MAGI2: variants seen among roughly 807,000 people sequenced by gnomAD.
MAGI2 encodes membrane associated guanylate kinase, WW and PDZ domain containing 2.
MAGI2 carries 35 observed loss-of-function variants against 133.3 expected under a neutral mutation model. The observed-to-expected ratio is 0.26, with a 90% CI of 0.20 to 0.35. MAGI2 has a LOEUF of 0.35. Ranked by LOEUF, MAGI2 falls within the 10% of genes least tolerant of loss-of-function variation. The pLI is 1.00. For missense variants in MAGI2, 1,636 were observed against 1,863.4 expected, an observed-to-expected ratio of 0.88 and a Z score of 2.25; for synonymous variants, 729 against 710.6, an observed-to-expected ratio of 1.03 and a Z score of -0.41.
intron 1 of MAGI2, among the ~76,000 whole-genome samples, chr7:79,093,902 A>G (rs988208456): frequency 6.6e-6 from 1 of 151,614 alleles, no homozygotes; most frequent in Non-Finnish European, 1.5e-5. Context: ...TTTAGTAGAG[A>G]CGAGGTTTCA....
Position 78,476,810 on chromosome 7 carries a change from G to A in MAGI2, c.1045+12951C>T, listed in dbSNP as rs371337214. ...CAATCGATATTATTCCAGACACTTT[G>A]AGAAGCTTGGTGGTTAGGTCACAAT... On this transcript the variant is annotated intron_variant, in intron 6 of 21. Transcript: ENST00000354212. Among the ~76,000 whole-genome samples, 3 of 151,870 alleles carry A rather than the reference G, an allele frequency of 2.0e-5. No homozygotes were observed. The East Asian group carries it at 5.9e-4, about 30-fold the overall frequency.
intron 2 of MAGI2, among the ~76,000 whole-genome samples, chr7:78,800,868 T>G (rs1040456392): frequency 7.2e-5 from 11 of 152,062 alleles, no homozygotes; most frequent in Admixed American, 6.6e-5. Flanking sequence ...AGTGAAACAA[T>G]AGAGGAAATT....
chr7:78,212,298 A>C (rs1473027955), intron 10 of MAGI2, among the ~76,000 whole-genome samples: 1 of 152,244 alleles, frequency 6.6e-6, no homozygotes, highest in Non-Finnish European at 1.5e-5. Flanking sequence ...GATAATTTGC[A>C]GATGTGATTA....
chr7:79,023,592 T>A (rs908146855), intron 1 of MAGI2, among the ~76,000 whole-genome samples: 1 of 152,130 alleles, frequency 6.6e-6, no homozygotes, highest in Non-Finnish European at 1.5e-5. Context: ...AACCTCATAG[T>A]GTGTGCTCAA....
chr7:79,309,158 A>G (rs1838051841), intron 1 of MAGI2, among the ~76,000 whole-genome samples: 3 of 151,886 alleles, frequency 2.0e-5, no homozygotes, highest in Admixed American at 2.0e-4. Context: ...TATGCTGTCT[A>G]GCTTAATTCA....
At chr7:78,543,416 C>T (rs1798570025) in intron 3 of MAGI2, among the ~76,000 whole-genome samples, 1 of 152,184 alleles carries the variant, frequency 6.6e-6, no homozygotes, top group Non-Finnish European at 1.5e-5. Context: ...ACTCAGGCTA[C>T]AACCAATGTT....
intron 1 of MAGI2, among the ~76,000 whole-genome samples, chr7:79,306,154 G>T (rs1378879909): frequency 6.8e-6 from 1 of 147,668 alleles, no homozygotes; most frequent in East Asian, 2.0e-4. Context: ...CTACAGGCAG[G>T]TGCTACCACA....
intron 2 of MAGI2, among the ~76,000 whole-genome samples, chr7:78,825,639 T>A (rs1790561986): frequency 6.6e-6 from 1 of 152,222 alleles, no homozygotes; most frequent in Non-Finnish European, 1.5e-5. Context: ...TAAACCCATT[T>A]TCTTCTTTCA....
At chr7:79,061,756 G>T (rs1813766360) in intron 1 of MAGI2, among the ~76,000 whole-genome samples, 2 of 151,892 alleles carry the variant, frequency 1.3e-5, no homozygotes, top group Admixed American at 1.3e-4. Flanking sequence ...AAATGTTCTG[G>T]GACCAATTAA....
At chr7:78,448,861 T>C (rs1563011994) in intron 6 of MAGI2, among the ~76,000 whole-genome samples, 1 of 152,034 alleles carries the variant, frequency 6.6e-6, no homozygotes, top group Non-Finnish European at 1.5e-5. Flanking sequence ...TTAGGACAGA[T>C]AACTAAAGAC....
chr7:78,625,789 T>C (rs1808280402), intron 3 of MAGI2, among the ~76,000 whole-genome samples: 1 of 152,302 alleles, frequency 6.6e-6, no homozygotes, highest in African/African-American at 2.4e-5. Context: ...TGTGTTTAGA[T>C]AAACAAATCC....
intron 9 of MAGI2, among the ~76,000 whole-genome samples, chr7:78,267,178 C>G (rs1160300033): frequency 6.6e-6 from 1 of 152,148 alleles, no homozygotes; most frequent in Non-Finnish European, 1.5e-5. Context: ...CTCTTTCACT[C>G]CCTTCATTTG....
intron 21 of MAGI2, among the ~76,000 whole-genome samples, chr7:78,047,239 A>G (rs967020196): frequency 5.3e-5 from 8 of 152,166 alleles, no homozygotes; most frequent in African/African-American, 1.9e-4. Flanking sequence ...GAAGGCAAAT[A>G]AAATGGGGAG....
At chr7:78,666,588 T>C (rs1339362739) in intron 2 of MAGI2, among the ~76,000 whole-genome samples, 1 of 152,202 alleles carries the variant, frequency 6.6e-6, no homozygotes, top group African/African-American at 2.4e-5. Context: ...AGGGGGACAC[T>C]GGCAAAAGCT....
intron 9 of MAGI2, among the ~76,000 whole-genome samples, chr7:78,322,861 A>G (rs1788153664): frequency 6.6e-6 from 1 of 152,118 alleles, no homozygotes; most frequent in Non-Finnish European, 1.5e-5. Context: ...CTGTCTTTGG[A>G]GTTTCGACCC....
chr7:78,872,461 A>G (rs1475571161), intron 2 of MAGI2, among the ~76,000 whole-genome samples: 1 of 152,144 alleles, frequency 6.6e-6, no homozygotes, highest in East Asian at 1.9e-4. Flanking sequence ...AATTCAACAT[A>G]CATTCTTTGA....
chr7:79,436,915 A>G (rs753525462), intron 1 of MAGI2, among the ~76,000 whole-genome samples: 2 of 152,208 alleles, frequency 1.3e-5, no homozygotes, highest in Non-Finnish European at 2.9e-5. Flanking sequence ...CTGCAGCACT[A>G]AACACAATAG....
chr7:78,293,872 G>A (rs946518191), intron 9 of MAGI2, among the ~76,000 whole-genome samples: 17 of 152,148 alleles, frequency 1.1e-4, no homozygotes, highest in Admixed American at 2.6e-4. Context: ...ACTCATAGGT[G>A]GGAATTGAAC....
chr7:79,202,209 G>A (rs937883661), intron 1 of MAGI2, among the ~76,000 whole-genome samples: 1 of 151,824 alleles, frequency 6.6e-6, no homozygotes, highest in Non-Finnish European at 1.5e-5. Flanking sequence ...GGGCAGGGTG[G>A]TTAAAAACCT....
Sources: allele counts gnomAD v4.1 joint callset (sites outside exome capture counted in the v4.1 genomes callset), GRCh38; gene constraint gnomAD v4.1.1; transcripts MANE v1.5; gene names NCBI Gene and HGNC (gene_info 2026-07-23, HGNC 2026-07-21).